Variants in TXLNG observed in about 807,000 individuals in gnomAD.
The protein encoded by TXLNG is gamma-taxilin.
A neutral mutation model predicts 38.8 loss-of-function variants in TXLNG; 5 were observed. The observed-to-expected ratio is 0.13, with a 90% CI of 0.07 to 0.27. The LOEUF (loss-of-function observed/expected upper bound fraction) is 0.27, where lower values mean the gene tolerates loss of function less well. Ranked by LOEUF, TXLNG falls within the 10% of genes least tolerant of loss-of-function variation. TXLNG has a pLI of 1.00. For missense variants in TXLNG, 393 were observed against 398.2 expected, an observed-to-expected ratio of 0.99 and a Z score of 0.11; for synonymous variants, 182 against 158.2, an observed-to-expected ratio of 1.15 and a Z score of -1.13.
chrX:16,813,192 A>G (rs1415088738), intron 1 of TXLNG, among the ~76,000 whole-genome samples: 4 of 111,902 alleles, frequency 3.6e-5, no homozygotes, highest in Admixed American at 1.9e-4. Flanking sequence ...ACGTGAAAAG[A>G]TGTTCAATAT....
At chrX:16,832,540 G>A in intron 5 of TXLNG, 83 bp from the exon 6 acceptor site, 1 of 1,140,895 alleles carries the variant, frequency 8.8e-7, no homozygotes, top group Non-Finnish European at 1.2e-6. Context: ...GGGTGAGCAG[G>A]GTGCTGTAAC....
At chrX:16,841,400 G>T in intron 9 of TXLNG, 28 bp from the exon 10 acceptor site, 1 of 1,160,721 alleles carries the variant, frequency 8.6e-7, no homozygotes, top group Non-Finnish European at 1.2e-6. Flanking sequence ...ATTTAACAGG[G>T]TTACAGAAAT....
At chrX:16,789,953 C>T (rs1927645411) in intron 1 of TXLNG, among the ~76,000 whole-genome samples, 1 of 110,044 alleles carries the variant, frequency 9.1e-6, no homozygotes, top group African/African-American at 3.3e-5. Context: ...TGCCACCACG[C>T]CCGGCTAATT....
intron 5 of TXLNG, among the ~76,000 whole-genome samples, chrX:16,831,136 A>G (rs1037407706): frequency 8.9e-6 from 1 of 112,271 alleles, no homozygotes; most frequent in Non-Finnish European, 1.9e-5. Context: ...TTTCATACCT[A>G]AAAAATTAAC....
At chrX:16,808,052 A>G (rs961735294) in intron 1 of TXLNG, among the ~76,000 whole-genome samples, 5 of 111,965 alleles carry the variant, frequency 4.5e-5, no homozygotes, top group Non-Finnish European at 9.4e-5. Context: ...TTTATTATTG[A>G]TAAACTGGTG....
In TXLNG at chrX:16,826,696, G is replaced by T. The variant is rs775470635; in HGVS notation, c.499-1398G>T. On this transcript the variant is annotated intron_variant, in intron 3 of 9. Coordinates refer to ENST00000380122, the MANE Select transcript of TXLNG (RefSeq NM_018360.3). ...GCCTGTATTCTCAGCACTTTGGGAG[G>T]CCGAGGTGGGCGGATCACCTGAGGT... is the stretch of plus-strand genomic sequence containing the variant. Among the ~76,000 whole-genome samples the T allele has an allele frequency of 1.3e-3, 143 of 111,490 alleles. 1 individual carries two copies. The highest frequency in any genetic ancestry group is 4.6e-3 in the African/African-American group (142 of 30,682).
At chrX:16,795,575 C>T (rs1358838328) in intron 1 of TXLNG, among the ~76,000 whole-genome samples, 1 of 111,655 alleles carries the variant, frequency 9.0e-6, no homozygotes, top group Admixed American at 9.6e-5. Context: ...CCTCTCTTTT[C>T]TTGTCATTTA....
rs1026804128 is a variant in TXLNG, at chrX:16,817,960, G to A, written c.103-614G>A. Among the ~76,000 whole-genome samples the A allele has an allele frequency of 3.6e-5, 4 of 112,186 alleles. No homozygotes were observed. In the Admixed American group the frequency reaches 3.8e-4, roughly 11 times the overall value. Reference sequence around the variant, plus strand: ...TGCCATCCCTTAGGGTCTTGGAGATGTCTGCATTTTGCCAGAGTCGGGGAG... The same window carrying A: ...TGCCATCCCTTAGGGTCTTGGAGATATCTGCATTTTGCCAGAGTCGGGGAG... On this transcript the variant is annotated intron_variant, in intron 1 of 9. Transcript: ENST00000380122.
intron 1 of TXLNG, among the ~76,000 whole-genome samples, chrX:16,814,711 A>T (rs115293276): frequency 0.033 from 3,638 of 111,574 alleles, 166 homozygotes; most frequent in African/African-American, 0.11. Context: ...GGCAGCAACT[A>T]GATTAGTGGC....
At chrX:16,805,616 C>G (rs1928308756) in intron 1 of TXLNG, among the ~76,000 whole-genome samples, 1 of 112,099 alleles carries the variant, frequency 8.9e-6, no homozygotes, top group Non-Finnish European at 1.9e-5. Context: ...CATTTATTTC[C>G]TTTACCAATT....
Position 16,786,554 on chromosome X carries a change from G to T in TXLNG, c.67G>T (p.Gly23Ter). Residue 23 changes from glycine (G) to a stop codon, truncating the protein, a stop_gained, in exon 1 of 10, where the codon GGA (glycine) becomes TGA (stop). Transcript: ENST00000380122. LOFTEE classifies it high-confidence loss of function. ...GGGAEEATEA[G>*]RGGRRRSPRQ... is the part of the protein sequence containing the mutation. ...CGGCGCCGAAGAGGCGACTGAGGCC[G>T]GACGGGGCGGACGGCGACGCAGCCC... 9.3e-7 allele frequency: 1 copy of T among 1,079,087 alleles called. No homozygotes were observed. 88.9% of individuals were successfully genotyped at this position (1,079,087 alleles called of 1,213,427 possible).
chrX:16,841,877 G>C lies in TXLNG; in HGVS notation c.*111G>C. 2.3e-6 allele frequency: 2 copies of C among 871,261 alleles called. No individual in the cohort carries two copies. Among genetic ancestry groups the C allele is most frequent in the East Asian group, 6.4e-5 (2 of 31,127 alleles). 71.8% of individuals were successfully genotyped at this position (871,261 alleles called of 1,213,427 possible). A position where few individuals can be genotyped will look rare whatever the true frequency, so the allele number is the denominator to read the frequency against. ...TTTTCTTACTTTTTCTACCATATCT[G>C]TATTTTCTTAGAACTACTGGACTTA... is the stretch of plus-strand genomic sequence containing the variant. On this transcript the variant is annotated 3_prime_UTR_variant, in exon 10 of 10. Coordinates refer to ENST00000380122, the MANE Select transcript of TXLNG (RefSeq NM_018360.3).
chrX:16,830,592 G>A (rs1929355369), intron 5 of TXLNG, among the ~76,000 whole-genome samples: 1 of 102,450 alleles, frequency 9.8e-6, no homozygotes, highest in South Asian at 4.5e-4. Context: ...GATTCAAAAA[G>A]CTGATTCAAA....
At chrX:16,823,804 A>G (rs1929071619) in intron 3 of TXLNG, among the ~76,000 whole-genome samples, 1 of 111,378 alleles carries the variant, frequency 9.0e-6, no homozygotes, top group Non-Finnish European at 1.9e-5. Context: ...GTACTTTATA[A>G]TGCTATTCTT....
chrX:16,789,653 A>G (rs1421884837), intron 1 of TXLNG, among the ~76,000 whole-genome samples: 3 of 104,817 alleles, frequency 2.9e-5, no homozygotes, highest in African/African-American at 1.0e-4. Context: ...TACTTCCTAA[A>G]TCCCTATGTA....
intron 1 of TXLNG, among the ~76,000 whole-genome samples, chrX:16,791,628 C>T (rs1281097178): frequency 9.0e-6 from 1 of 111,340 alleles, no homozygotes; most frequent in Non-Finnish European, 1.9e-5. Context: ...TTCTGTAGCC[C>T]AGGCAGGAGT....
chrX:16,823,945 A>G (rs12353666), intron 3 of TXLNG, among the ~76,000 whole-genome samples: 41 of 111,141 alleles, frequency 3.7e-4, no homozygotes, highest in African/African-American at 1.2e-3. Flanking sequence ...TACTCTCTAT[A>G]GATTTTAGAT....
At chrX:16,835,017 C>T (rs1326767524) in intron 7 of TXLNG, among the ~76,000 whole-genome samples, 3 of 106,114 alleles carry the variant, frequency 2.8e-5, no homozygotes, top group African/African-American at 1.0e-4. Flanking sequence ...TAAGTGTGTC[C>T]TGCTGTGATC....
At chrX:16,787,901 G>A (rs983030823) in intron 1 of TXLNG, among the ~76,000 whole-genome samples, 3 of 112,531 alleles carry the variant, frequency 2.7e-5, no homozygotes, top group Admixed American at 9.5e-5. Context: ...CGTCTGAGCA[G>A]AGTGTTAAGA....
Sources: gnomAD v4.1 joint callset for allele counts (sites outside exome capture counted in the v4.1 genomes callset) on GRCh38, gnomAD v4.1.1 for gene constraint, MANE v1.5 for transcripts, NCBI Gene and HGNC (gene_info 2026-07-23, HGNC 2026-07-21) for gene names.